The following TCEA1 variants were observed in gnomAD, a reference collection of about 807,000 sequenced individuals.
The protein encoded by TCEA1 is transcription elongation factor A protein 1.
TCEA1 carries 21 observed loss-of-function variants against 43.8 expected under a neutral mutation model. That is an observed-to-expected ratio of 0.48 (90% CI 0.34 to 0.69). The LOEUF (loss-of-function observed/expected upper bound fraction) is 0.69. Ranked by LOEUF, TCEA1 falls within the 30% of genes least tolerant of loss-of-function variation. The pLI is 0.01. For missense variants in TCEA1, 250 were observed against 365.1 expected, an observed-to-expected ratio of 0.68 and a Z score of 2.57; for synonymous variants, 104 against 117.5, an observed-to-expected ratio of 0.88 and a Z score of 0.75.
At chr8:53,990,971 C>G (rs1008094571) in intron 4 of TCEA1, among the ~76,000 whole-genome samples, 2 of 152,168 alleles carry the variant, frequency 1.3e-5, no homozygotes, top group African/African-American at 2.4e-5. Context: ...TCCTGTATTT[C>G]TGTGTGTGTT....
At chr8:54,020,960 G>C (rs1482699790) in intron 1 of TCEA1, among the ~76,000 whole-genome samples, 1 of 152,128 alleles carries the variant, frequency 6.6e-6, no homozygotes, top group Non-Finnish European at 1.5e-5. Context: ...GGCTGAGGTG[G>C]GCGGATCACC....
intron 1 of TCEA1, among the ~76,000 whole-genome samples, chr8:54,012,780 A>T (rs1212969708): frequency 1.3e-5 from 2 of 152,052 alleles, no homozygotes; most frequent in African/African-American, 2.4e-5. Context: ...TACAAAAAAT[A>T]AAGATAAAAA....
chr8:54,013,199 GC>G (rs1222712351), intron 1 of TCEA1, among the ~76,000 whole-genome samples: 1 of 152,100 alleles, frequency 6.6e-6, no homozygotes, highest in Non-Finnish European at 1.5e-5. Context: ...CCAAGTAGAG[GC>G]AATATATTTG....
At position 54,003,792 on chromosome 8, in the gene TCEA1, A is replaced by G. The variant is rs142502835; in HGVS notation, c.127-3742T>C. 5.3e-5 allele frequency among the ~76,000 whole-genome samples: 8 copies of G among 152,292 alleles called. No individual in the cohort carries two copies. The East Asian group carries it at 1.5e-3, about 29-fold the overall frequency. On this transcript the variant is annotated intron_variant, in intron 2 of 9. Coordinates refer to ENST00000521604, the MANE Select transcript of TCEA1 (RefSeq NM_006756.4). ...CAAGCAATCAAAGAAAAAATAGAAT[A>G]TATCAAAATTTAAAACTTTTGTGCT...
chr8:53,991,929 CAT>C (rs1252306596), intron 4 of TCEA1, among the ~76,000 whole-genome samples: 1 of 151,746 alleles, frequency 6.6e-6, no homozygotes, highest in Non-Finnish European at 1.5e-5. Flanking sequence ...GTGTATGAGA[CAT>C]TAACATTAAC....
At chr8:53,972,462 G>T in intron 8 of TCEA1, 1 of 519,042 alleles carries the variant, frequency 1.9e-6, no homozygotes, top group South Asian at 1.5e-5. Flanking sequence ...TGCATGGAGA[G>T]AATCAGATAA....
chr8:53,990,130 T>A (rs528498386), intron 4 of TCEA1, among the ~76,000 whole-genome samples: 54 of 151,504 alleles, frequency 3.6e-4, no homozygotes, highest in African/African-American at 1.3e-3. Flanking sequence ...ACTGAAAGGT[T>A]GAGGCTGCAG....
chr8:53,999,498 C>T (rs554657316), intron 3 of TCEA1: 6 of 154,880 alleles, frequency 3.9e-5, no homozygotes, highest in South Asian at 2.0e-4. Context: ...CAAATGGTTC[C>T]GAAAAAAATA....
chr8:53,989,965 C>T (rs1803820397), intron 4 of TCEA1, among the ~76,000 whole-genome samples: 1 of 152,122 alleles, frequency 6.6e-6, no homozygotes, highest in Admixed American at 6.6e-5. Context: ...GCCGGGCAAG[C>T]TGGCTCATGC....
At chr8:53,986,350 G>T (rs1803687853) in intron 6 of TCEA1, among the ~76,000 whole-genome samples, 1 of 152,306 alleles carries the variant, frequency 6.6e-6, no homozygotes, top group East Asian at 1.9e-4. Flanking sequence ...TGTTTGTCCA[G>T]TTTAATCTGT....
At chr8:54,018,554 A>C (rs1199429230) in intron 1 of TCEA1, among the ~76,000 whole-genome samples, 1 of 152,232 alleles carries the variant, frequency 6.6e-6, no homozygotes. Context: ...AAGTTCAGAA[A>C]AGTTCAGAAA....
At chr8:53,984,899 T>A (rs72614665) in intron 6 of TCEA1, among the ~76,000 whole-genome samples, 30,608 of 151,592 alleles carry the variant, frequency 0.2, 4,376 homozygotes, top group East Asian at 0.74. Flanking sequence ...AAAACAAACC[T>A]GAAATTTCTA....
At chr8:53,991,274 T>G (rs1488521454) in intron 4 of TCEA1, among the ~76,000 whole-genome samples, 1 of 151,376 alleles carries the variant, frequency 6.6e-6, no homozygotes, top group Non-Finnish European at 1.5e-5. Context: ...GCACCTCTAA[T>G]CCCAGCTACT....
In TCEA1 at chr8:53,993,682, C is replaced by T. The variant is rs558330309; in HGVS notation, c.306G>A (p.Glu102=). Residue 102 remains glutamate (E), a synonymous_variant, in exon 4 of 10, where the codon GAG becomes GAA. Transcript: ENST00000521604. ...CTGTGAAGTACCTTTCTTCTCTTGC[C>T]TCAGGGCTGTTCTGCGATGTAATTG... ...EPAITSQNSP[E]AREESTSSGN... 2.5e-6 allele frequency: 4 copies of T among 1,613,318 alleles called. No individual in the cohort carries two copies. In the South Asian group the frequency reaches 3.3e-5, roughly 13 times the overall value.
At position 54,010,263 on chromosome 8, in the gene TCEA1, C is replaced by A. The variant is rs1020474809; in HGVS notation, c.126+167G>T. The A allele has an allele frequency of 1.6e-5, 9 of 578,948 alleles. No individual in the cohort carries two copies. The African/African-American group carries it at 1.6e-4, about 10-fold the overall frequency. The allele number at this position is 578,948 out of a possible 1,614,324, so 35.9% of individuals were successfully genotyped here. ...GAAAGGCGACATTGCTCTATAATGGCAACTTAGTAGATTATTGATTTATAT... is the reference window on the plus strand; with the variant it reads ...GAAAGGCGACATTGCTCTATAATGGAAACTTAGTAGATTATTGATTTATAT... On this transcript the variant is annotated intron_variant, in intron 2 of 9. Coordinates refer to ENST00000521604, the MANE Select transcript of TCEA1 (RefSeq NM_006756.4).
rs1472351174 is a variant in TCEA1, at chr8:53,993,588, G to A, written c.320+80C>T. On this transcript the variant is annotated intron_variant, in intron 4 of 9. Transcript: ENST00000521604. ...AAAACAAAAAAAGGAGTGTAAATAG[G>A]GGAACATTAGACAGGGGAATTGATG... 1.1e-5 allele frequency: 12 copies of A among 1,125,380 alleles called. No individual in the cohort carries two copies. In the African/African-American group the frequency reaches 1.7e-4, roughly 16 times the overall value. 69.7% of individuals were successfully genotyped at this position (1,125,380 alleles called of 1,614,324 possible). A position where few individuals can be genotyped will look rare whatever the true frequency, so the allele number is the denominator to read the frequency against.
At chr8:53,972,453 G>T in intron 8 of TCEA1, 1 of 519,678 alleles carries the variant, frequency 1.9e-6, no homozygotes, top group South Asian at 1.5e-5. Context: ...TTTTGGGCAT[G>T]CATGGAGAGA....
intron 1 of TCEA1, among the ~76,000 whole-genome samples, chr8:54,020,519 G>A (rs1464101340): frequency 6.6e-6 from 1 of 152,186 alleles, no homozygotes; most frequent in African/African-American, 2.4e-5. Flanking sequence ...GAAGTCTTAC[G>A]TATTTAGTGT....
chr8:54,011,541 G>A (rs1188123973), intron 1 of TCEA1, among the ~76,000 whole-genome samples: 2 of 152,164 alleles, frequency 1.3e-5, no homozygotes, highest in African/African-American at 4.8e-5. Flanking sequence ...ACATTACAAT[G>A]GCCATCTGGC....
Sources: allele counts gnomAD v4.1 joint callset (sites outside exome capture counted in the v4.1 genomes callset), GRCh38; gene constraint gnomAD v4.1.1; transcripts MANE v1.5; gene names NCBI Gene and HGNC (gene_info 2026-07-23, HGNC 2026-07-21).